FMO1: variants seen among roughly 807,000 people sequenced by gnomAD.
The protein encoded by FMO1 is flavin-containing monooxygenase 1.
Under a neutral mutation model 45.4 loss-of-function variants are expected in FMO1, and 36 were observed. That is an observed-to-expected ratio of 0.79 (90% CI 0.61 to 1.05). The LOEUF (loss-of-function observed/expected upper bound fraction) is 1.05, where lower values mean the gene tolerates loss of function less well. Among genes scored for constraint, FMO1 ranks in the 50% least tolerant of loss-of-function variants. The probability of loss-of-function intolerance (pLI) is 0.00; values close to 1 mark genes in which losing one functional copy is unlikely to be tolerated. For synonymous variants in FMO1, 228 were observed against 227.2 expected (o/e 1.00, Z -0.03); for missense variants, 615 against 640.3 (o/e 0.96, Z 0.43).
chr1:171,262,795 T>C (rs1350969439), intron 2 of FMO1, among the ~76,000 whole-genome samples: 1 of 152,202 alleles, frequency 6.6e-6, no homozygotes, highest in African/African-American at 2.4e-5. Context: ...CTTGCATTCT[T>C]GGAGGTTCCC....
intron 3 of FMO1, 55 bp from the exon 4 acceptor site, chr1:171,275,291 A>AAGTGCTT: frequency 7.1e-7 from 1 of 1,409,176 alleles, no homozygotes; most frequent in Non-Finnish European, 1.0e-6. Context: ...ATCAACTGGC[A>AAGTGCTT]AGTGCTTAAT....
intron 1 of FMO1, among the ~76,000 whole-genome samples, chr1:171,257,280 G>A (rs1416672469): frequency 4.6e-5 from 7 of 152,016 alleles, no homozygotes; most frequent in Admixed American, 2.0e-4. Flanking sequence ...GTTGCCTCTC[G>A]GTGTTCTTAC....
intron 5 of FMO1, among the ~76,000 whole-genome samples, chr1:171,279,527 T>G (rs1661267550): frequency 1.3e-5 from 2 of 152,278 alleles, no homozygotes; most frequent in African/African-American, 4.8e-5. Flanking sequence ...CAAGTCTCTT[T>G]GACTCAAAGC....
rs966295289 is a variant in FMO1 at position 171,282,542 on chromosome 1, AT to A, written c.1183+216del. On this transcript the variant is annotated intron_variant, in intron 7 of 8. Transcript: ENST00000617670. ...GTATATCAGGGTCAAAAATATATATATTTTTTTGATATACCAAAAATATAAC... is the reference window on the plus strand; with the variant it reads ...GTATATCAGGGTCAAAAATATATATATTTTTTGATATACCAAAAATATAAC... The A allele has an allele frequency of 7.9e-4, 248 of 312,106 alleles. No individual in the cohort carries two copies. The African/African-American group carries it at 0.012, about 15-fold the overall frequency. 19.3% of individuals were successfully genotyped at this position (312,106 alleles called of 1,614,324 possible).
chr1:171,261,279 T>C (rs1221701337), intron 2 of FMO1, among the ~76,000 whole-genome samples: 1 of 152,064 alleles, frequency 6.6e-6, no homozygotes, highest in Non-Finnish European at 1.5e-5. Context: ...CTCCTGAGTC[T>C]TTCTAGAGAC....
intron 2 of FMO1, among the ~76,000 whole-genome samples, chr1:171,263,992 GGAAA>G (rs1660496126): frequency 1.3e-5 from 2 of 152,152 alleles, no homozygotes; most frequent in African/African-American, 4.8e-5. Flanking sequence ...ATCAATAGAA[GGAAA>G]GAGAGACAAG....
intron 1 of FMO1, among the ~76,000 whole-genome samples, chr1:171,257,314 C>T (rs371780131): frequency 1.3e-5 from 2 of 152,212 alleles, no homozygotes; most frequent in East Asian, 1.9e-4. Flanking sequence ...TAACACATGG[C>T]CTGGTGCCAG....
chr1:171,265,825 G>C (rs887206569), intron 2 of FMO1, among the ~76,000 whole-genome samples: 2 of 152,202 alleles, frequency 1.3e-5, no homozygotes, highest in Non-Finnish European at 2.9e-5. Flanking sequence ...AGGGGATAAT[G>C]TGTATCTAAA....
intron 4 of FMO1, among the ~76,000 whole-genome samples, chr1:171,276,413 G>C (rs1661108382): frequency 6.6e-6 from 1 of 152,178 alleles, no homozygotes; most frequent in Admixed American, 6.5e-5. Flanking sequence ...AATTCTGAGA[G>C]AGGCTCCATA....
chr1:171,285,802 A>T lies in FMO1; in HGVS notation c.*258A>T. 1 of 316,440 alleles carries T rather than the reference A, an allele frequency of 3.2e-6. No homozygotes were observed. The highest frequency in any genetic ancestry group is 5.7e-6 in the Non-Finnish European group (1 of 175,514). The allele number at this position is 316,440 out of a possible 1,614,324, so 19.6% of individuals were successfully genotyped here. On this transcript the variant is annotated 3_prime_UTR_variant, in exon 9 of 9. Coordinates refer to ENST00000617670, the MANE Select transcript of FMO1 (RefSeq NM_001282693.2). ...AAGTTACAGGTTCATTTTAGAAAGA[A>T]AGCTGTTCTTGACAGCACTCTGAGC... is the stretch of plus-strand genomic sequence containing the variant.
intron 3 of FMO1, among the ~76,000 whole-genome samples, chr1:171,268,450 C>A (rs774869278): frequency 1.3e-5 from 2 of 152,148 alleles, no homozygotes; most frequent in African/African-American, 4.8e-5. Flanking sequence ...CACAAGAGAA[C>A]CTTGCTATGT....
intron 2 of FMO1, among the ~76,000 whole-genome samples, chr1:171,261,106 C>G (rs1037832107): frequency 6.6e-6 from 1 of 151,972 alleles, no homozygotes; most frequent in South Asian, 2.1e-4. Context: ...GAATTAGTAA[C>G]GGGCTTAGGA....
chr1:171,268,648 A>G (rs1283286546), intron 3 of FMO1, among the ~76,000 whole-genome samples: 1 of 152,134 alleles, frequency 6.6e-6, no homozygotes, highest in African/African-American at 2.4e-5. Context: ...TCTCCAAGAA[A>G]CATATGAAAA....
chr1:171,249,764 A>G (rs954993383), intron 1 of FMO1, among the ~76,000 whole-genome samples: 2 of 152,130 alleles, frequency 1.3e-5, no homozygotes, highest in Non-Finnish European at 2.9e-5. Flanking sequence ...TGGGGAATGC[A>G]TAAATAGAGG....
intron 3 of FMO1, chr1:171,271,117 TC>T: frequency 1.1e-6 from 1 of 880,644 alleles, no homozygotes; most frequent in Admixed American, 1.8e-5. Context: ...TGCAGCAATA[TC>T]CTTTTTGTAT....
intron 6 of FMO1, among the ~76,000 whole-genome samples, chr1:171,281,356 G>A (rs1051453089): frequency 1.6e-4 from 24 of 152,220 alleles, no homozygotes; most frequent in Middle Eastern, 3.4e-3. Flanking sequence ...GTTGATAAAA[G>A]AAACACACTT....
chr1:171,248,799 T>C (rs554073609), intron 1 of FMO1, among the ~76,000 whole-genome samples, 176 bp downstream of exon 1: 70 of 151,814 alleles, frequency 4.6e-4, no homozygotes, highest in Admixed American at 1.0e-3. Flanking sequence ...GAGTAGTAAA[T>C]GTTTGGATAC....
intron 1 of FMO1, among the ~76,000 whole-genome samples, chr1:171,254,289 C>G (rs1660049003): frequency 6.6e-6 from 1 of 152,120 alleles, no homozygotes; most frequent in Non-Finnish European, 1.5e-5. Context: ...CAGGGTTTCA[C>G]CATGTTGGCC....
rs754961556 is a variant in FMO1, at chr1:171,280,839, G to A, written c.681G>A (p.Ser227=). The change falls in exon 6 of 9, where the codon TCG becomes TCA. Residue 227 remains serine (S), a synonymous_variant. Coordinates refer to ENST00000617670, the MANE Select transcript of FMO1 (RefSeq NM_001282693.2). The part of the protein sequence containing the change: ...GGWVISRIFD[S]GYPWDMVFMT... ...GGGTGATCAGCCGAATCTTTGACTC[G>A]GGCTACCCATGGGACATGGTGTTCA... 12 of 1,613,586 alleles carry A rather than the reference G, an allele frequency of 7.4e-6. No individual in the cohort carries two copies. Among genetic ancestry groups the A allele is most frequent in the Admixed American group, 1.7e-5 (1 of 59,960 alleles).
Sources: allele counts gnomAD v4.1 joint callset (sites outside exome capture counted in the v4.1 genomes callset), GRCh38; gene constraint gnomAD v4.1.1; transcripts MANE v1.5; gene names NCBI Gene and HGNC (gene_info 2026-07-23, HGNC 2026-07-21).